Variants in STARD13 observed in about 807,000 individuals in gnomAD.
STARD13 encodes the protein stAR-related lipid transfer protein 13.
In STARD13, 62 loss-of-function variants were observed where a neutral mutation model predicts 106.4. The ratio of observed to expected loss-of-function variants is 0.58; its 90% CI spans 0.48 to 0.72. The LOEUF is 0.72. Ranked by LOEUF, STARD13 falls within the 30% of genes least tolerant of loss-of-function variation. The pLI, the probability that STARD13 is intolerant of heterozygous loss-of-function variation, is 0.00. For missense variants in STARD13, 1,387 were observed against 1,424.0 expected, an observed-to-expected ratio of 0.97 and a Z score of 0.42; for synonymous variants, 565 against 553.0, an observed-to-expected ratio of 1.02 and a Z score of -0.31.
the STARD13 span, among the ~76,000 whole-genome samples, chr13:33,465,797 C>A: frequency 6.6e-6 from 1 of 152,070 alleles, no homozygotes. Context: ...GGAAATATAC[C>A]AGTCCATGTA....
the STARD13 span, among the ~76,000 whole-genome samples, chr13:33,471,769 A>G: frequency 1.3e-5 from 2 of 152,024 alleles, no homozygotes; most frequent in African/African-American, 4.8e-5. Flanking sequence ...ACGTTTAAGG[A>G]TCCTTTCAAA....
At chr13:33,229,388 C>T (rs1195501692) in intron 1 of STARD13, among the ~76,000 whole-genome samples, 1 of 152,158 alleles carries the variant, frequency 6.6e-6, no homozygotes, top group Non-Finnish European at 1.5e-5. Flanking sequence ...TAAAGCAAAA[C>T]ACTTAACATA....
At chr13:33,521,411 C>T in the STARD13 span, among the ~76,000 whole-genome samples, 1 of 152,114 alleles carries the variant, frequency 6.6e-6, no homozygotes, top group South Asian at 2.1e-4. Context: ...AGTGAGTTGA[C>T]TCTTTAGAAG....
At chr13:33,394,909 G>A in the STARD13 span, among the ~76,000 whole-genome samples, 1 of 152,244 alleles carries the variant, frequency 6.6e-6, no homozygotes, top group African/African-American at 2.4e-5. Flanking sequence ...TGATTTCAGA[G>A]TGATAGAGTT....
chr13:33,200,838 G>A (rs552736267), intron 1 of STARD13, among the ~76,000 whole-genome samples: 46 of 152,040 alleles, frequency 3.0e-4, no homozygotes, highest in East Asian at 1.2e-3. Context: ...TGGCTAACAC[G>A]GTGAAACCCG....
At position 33,185,773 on chromosome 13, in the gene STARD13, C is replaced by G. The variant is rs1025354038; in HGVS notation, c.170-18151G>C. 4.5e-6 allele frequency: 5 copies of G among 1,123,156 alleles called. No individual in the cohort carries two copies. In the African/African-American group the frequency reaches 6.2e-5, roughly 14 times the overall value. The allele number at this position is 1,123,156 out of a possible 1,614,324, so 69.6% of individuals were successfully genotyped here. On this transcript the variant is annotated intron_variant, in intron 1 of 13. Coordinates refer to ENST00000336934, the MANE Select transcript of STARD13 (RefSeq NM_178006.4). ...TCTAGTTTTATCTTTCCGCCATGTC[C>G]TTCCAGACCACCTGACCACTGCCAC...
the STARD13 span, among the ~76,000 whole-genome samples, chr13:33,428,655 A>G: frequency 2.0e-5 from 3 of 152,180 alleles, no homozygotes; most frequent in Non-Finnish European, 4.4e-5. Context: ...TATCAAAAAA[A>G]CAGGCAACAC....
At chr13:33,592,086 A>C in the STARD13 span, among the ~76,000 whole-genome samples, 1 of 152,188 alleles carries the variant, frequency 6.6e-6, no homozygotes, top group Admixed American at 6.5e-5. Context: ...TTTGTCATTC[A>C]TGCTGAAGTG....
Position 33,123,493 on chromosome 13 carries a change from C to G in STARD13, c.2082+2588G>C, listed in dbSNP as rs190730858. 1.6e-4 allele frequency among the ~76,000 whole-genome samples: 25 copies of G among 152,314 alleles called. No individual in the cohort carries two copies. In the East Asian group the frequency reaches 4.6e-3, roughly 28 times the overall value. On this transcript the variant is annotated intron_variant, in intron 7 of 13. Coordinates refer to ENST00000336934, the MANE Select transcript of STARD13 (RefSeq NM_178006.4). Reference sequence around the variant, plus strand: ...ATTCTGAGCATTGCAGGTTCAGCCTCTCACTGCGGTGACTTCATATTCATC... The same window carrying G: ...ATTCTGAGCATTGCAGGTTCAGCCTGTCACTGCGGTGACTTCATATTCATC...
chr13:33,226,550 T>C (rs1888638065), intron 1 of STARD13, among the ~76,000 whole-genome samples: 1 of 151,930 alleles, frequency 6.6e-6, no homozygotes, highest in South Asian at 2.1e-4. Context: ...TTCTGCTGCC[T>C]TGGCCTCCTG....
intron 1 of STARD13, among the ~76,000 whole-genome samples, chr13:33,214,097 G>A (rs1293856943): frequency 6.6e-6 from 1 of 152,176 alleles, no homozygotes; most frequent in Non-Finnish European, 1.5e-5. Flanking sequence ...ACAAGCGACT[G>A]TGCGATGAAA....
chr13:33,310,880 C>T (rs1397580032), intron 1 of STARD13, among the ~76,000 whole-genome samples: 1 of 152,014 alleles, frequency 6.6e-6, no homozygotes, highest in African/African-American at 2.4e-5. Context: ...TGGCCTATTG[C>T]TCCTAGGCTA....
chr13:33,448,237 A>T, the STARD13 span, among the ~76,000 whole-genome samples: 1 of 152,082 alleles, frequency 6.6e-6, no homozygotes, highest in Non-Finnish European at 1.5e-5. Flanking sequence ...AATATGATAC[A>T]TTATTGTTAA....
the STARD13 span, among the ~76,000 whole-genome samples, chr13:33,649,815 T>C: frequency 6.6e-6 from 1 of 152,162 alleles, no homozygotes; most frequent in Admixed American, 6.5e-5. Context: ...TCCATTGCTG[T>C]GAGTGACTCT....
chr13:33,584,300 T>C, the STARD13 span, among the ~76,000 whole-genome samples: 1,835 of 152,294 alleles, frequency 0.012, 32 homozygotes, highest in African/African-American at 0.041. Context: ...TGGAATCTAC[T>C]TGGCTTCTGG....
chr13:33,387,919 G>C, the STARD13 span, among the ~76,000 whole-genome samples: 1 of 152,208 alleles, frequency 6.6e-6, no homozygotes, highest in Non-Finnish European at 1.5e-5. Context: ...TTAGACCACA[G>C]GGTCATTCTT....
the STARD13 span, among the ~76,000 whole-genome samples, chr13:33,600,095 A>G: frequency 0.032 from 4,916 of 152,328 alleles, 123 homozygotes; most frequent in African/African-American, 0.066. Flanking sequence ...TCACGTATGT[A>G]GTTTTCTTGC....
chr13:33,332,383 G>A (rs2077846410), intron 1 of STARD13, among the ~76,000 whole-genome samples: 1 of 152,184 alleles, frequency 6.6e-6, no homozygotes, highest in African/African-American at 2.4e-5. Flanking sequence ...CCCCCAGTTT[G>A]ATGGTATTGG....
At position 33,130,332 on chromosome 13, in the gene STARD13, C is replaced by A; in HGVS notation, c.388-43G>T. 6.4e-7 allele frequency: 1 copy of A among 1,570,424 alleles called. No individual in the cohort carries two copies. The highest frequency in any genetic ancestry group is 1.2e-5 in the South Asian group (1 of 85,584). On this transcript the variant is annotated intron_variant, in intron 4 of 13. Coordinates refer to ENST00000336934, the MANE Select transcript of STARD13 (RefSeq NM_178006.4). This position sits in a 1 kb window ranked among gnomAD's most constrained non-coding sequence, Gnocchi z 4.1. ...AAATGCTCATTAGCAGACAGCGTGG[C>A]TGAAGCAGGAACTCTGGGTGCTCTG...
Sources: gnomAD v4.1 joint callset for allele counts (sites outside exome capture counted in the v4.1 genomes callset) on GRCh38, gnomAD v4.1.1 for gene constraint, Gnocchi (gnomAD v3.1) non-coding constraint, MANE v1.5 for transcripts, NCBI Gene and HGNC (gene_info 2026-07-23, HGNC 2026-07-21) for gene names.